The following KCNIP4 variants were observed in gnomAD, a reference collection of about 807,000 sequenced individuals.
KCNIP4 encodes the protein Kv channel-interacting protein 4.
Under a neutral mutation model 34.0 loss-of-function variants are expected in KCNIP4, and 12 were observed. The observed-to-expected ratio is 0.35, with a 90% CI of 0.23 to 0.57. KCNIP4 has a LOEUF of 0.57. KCNIP4 is among the 20% of genes least tolerant of loss of function. The probability of loss-of-function intolerance (pLI) is 0.83; values close to 1 mark genes in which losing one functional copy is unlikely to be tolerated. For missense variants in KCNIP4, 238 were observed against 311.7 expected (o/e 0.76, Z 1.78); for synonymous variants, 124 against 102.2 (o/e 1.21, Z -1.29).
intron 1 of KCNIP4, among the ~76,000 whole-genome samples, chr4:20,968,763 G>A (rs549119132): frequency 5.3e-4 from 77 of 146,542 alleles, no homozygotes; most frequent in Non-Finnish European, 8.1e-4. Flanking sequence ...AACATCACAC[G>A]CTGGGGCCTG....
intron 1 of KCNIP4, among the ~76,000 whole-genome samples, chr4:20,911,397 CAGAA>C (rs772293293): frequency 2.6e-5 from 4 of 152,092 alleles, no homozygotes; most frequent in Admixed American, 6.6e-5. Flanking sequence ...TTTTATATAA[CAGAA>C]GGAACCCTAA....
chr4:20,785,749 A>G (rs957189771), intron 3 of KCNIP4, among the ~76,000 whole-genome samples: 1 of 152,166 alleles, frequency 6.6e-6, no homozygotes, highest in Non-Finnish European at 1.5e-5. Context: ...CTGGTTAACC[A>G]TATACAAAAA....
chr4:21,869,875 T>C (rs944077128), intron 1 of KCNIP4, among the ~76,000 whole-genome samples: 3 of 152,158 alleles, frequency 2.0e-5, no homozygotes, highest in African/African-American at 7.2e-5. Context: ...ACAAGCCTGA[T>C]GCCTGGCTTA....
intron 2 of KCNIP4, among the ~76,000 whole-genome samples, chr4:20,880,387 C>T (rs888420350): frequency 3.3e-5 from 5 of 152,266 alleles, no homozygotes; most frequent in African/African-American, 9.6e-5. Flanking sequence ...CCACAAATCA[C>T]GAGCTAAGTC....
chr4:20,759,565 A>G (rs1327808479), intron 3 of KCNIP4, among the ~76,000 whole-genome samples: 1 of 152,028 alleles, frequency 6.6e-6, no homozygotes, highest in African/African-American at 2.4e-5. Context: ...TGGGAACTAC[A>G]CCCATGTTGG....
chr4:21,908,077 A>G (rs1236724421), intron 1 of KCNIP4, among the ~76,000 whole-genome samples: 1 of 152,126 alleles, frequency 6.6e-6, no homozygotes, highest in Non-Finnish European at 1.5e-5. Context: ...TCTGCCTGTA[A>G]TAAAAAATAA....
At chr4:21,561,668 A>T (rs528149423) in intron 1 of KCNIP4, among the ~76,000 whole-genome samples, 56 of 152,026 alleles carry the variant, frequency 3.7e-4, no homozygotes, top group African/African-American at 1.3e-3. Flanking sequence ...CAAAAAAGTT[A>T]AAAAAAGCTG....
In KCNIP4 at chr4:21,549,326, T is replaced by C. The variant is rs183194393; in HGVS notation, c.61+399245A>G. 3.4e-3 allele frequency among the ~76,000 whole-genome samples: 521 copies of C among 152,030 alleles called. 10 individuals carry two copies. Among genetic ancestry groups the C allele is most frequent in the African/African-American group, 0.012 (491 of 41,496 alleles). On this transcript the variant is annotated intron_variant, in intron 1 of 8. Transcript: ENST00000382152. The stretch of plus-strand genomic sequence containing the variant: ...TCTCATGTTGAAATGTGATCCCCCA[T>C]GGTGAATGTGGGGCCTGGTGGGAGG...
chr4:21,396,562 A>AAAAAAAAAAAAAAAAAAAAAAAC (rs1452202766), intron 1 of KCNIP4, among the ~76,000 whole-genome samples: 1 of 150,806 alleles, frequency 6.6e-6, no homozygotes. Context: ...AAAAAAAAAA[A>AAAAAAAAAAAAAAAAAAAAAAAC]AAAAAAGAGG....
chr4:21,805,868 T>C (rs1721261011), intron 1 of KCNIP4, among the ~76,000 whole-genome samples: 1 of 152,202 alleles, frequency 6.6e-6, no homozygotes, highest in Non-Finnish European at 1.5e-5. Context: ...TGGCAGGGCA[T>C]GATACAGGTG....
At chr4:21,050,326 G>A (rs1322682947) in intron 1 of KCNIP4, among the ~76,000 whole-genome samples, 1 of 152,052 alleles carries the variant, frequency 6.6e-6, no homozygotes, top group Non-Finnish European at 1.5e-5. Context: ...ACTGTAGTTT[G>A]ACTCTAATTA....
At chr4:20,987,997 T>C in intron 1 of KCNIP4, among the ~76,000 whole-genome samples, 1 of 36,920 alleles carries the variant, frequency 2.7e-5, no homozygotes. Flanking sequence ...CGAGATTCCA[T>C]CTCAAAAAAA....
At chr4:21,938,085 C>G (rs1729970833) in intron 1 of KCNIP4, among the ~76,000 whole-genome samples, 1 of 152,122 alleles carries the variant, frequency 6.6e-6, no homozygotes, top group African/African-American at 2.4e-5. Context: ...GTACCATGTT[C>G]TCTTGGTCCA....
chr4:20,762,686 A>G (rs945463057), intron 3 of KCNIP4, among the ~76,000 whole-genome samples: 15 of 152,230 alleles, frequency 9.9e-5, no homozygotes, highest in African/African-American at 3.1e-4. Context: ...CTGCTGTAAA[A>G]TTAGGCCTTC....
rs10564487 is a variant in KCNIP4 at position 21,779,930 on chromosome 4, C to CA, written c.61+168640dup. 4.3e-3 allele frequency among the ~76,000 whole-genome samples: 600 copies of CA among 138,358 alleles called. 3 individuals are homozygous for CA. The highest frequency in any genetic ancestry group is 0.013 in the African/African-American group (476 of 36,772). The allele number at this position is 138,358 out of a possible 152,430, so 90.8% of individuals were successfully genotyped here. A position where few individuals can be genotyped will look rare whatever the true frequency, so the allele number is the denominator to read the frequency against. On this transcript the variant is annotated intron_variant, in intron 1 of 8. Coordinates refer to ENST00000382152, the MANE Select transcript of KCNIP4 (RefSeq NM_025221.6). ...TAAGCAATAGAGTAAGATCCTGTCT[C>CA]AAAAAAAAAAAAAAAGGAAGAATAT...
chr4:21,815,298 A>G (rs571947285), intron 1 of KCNIP4, among the ~76,000 whole-genome samples: 61 of 152,284 alleles, frequency 4.0e-4, no homozygotes, highest in African/African-American at 1.4e-3. Flanking sequence ...TAAAATGAAG[A>G]TGATAATGTA....
At chr4:21,479,921 T>C (rs182846120) in intron 1 of KCNIP4, among the ~76,000 whole-genome samples, 1 of 151,734 alleles carries the variant, frequency 6.6e-6, no homozygotes, top group African/African-American at 2.4e-5. Flanking sequence ...GAAGTGAGAA[T>C]ATTAGGAATG....
intron 1 of KCNIP4, among the ~76,000 whole-genome samples, chr4:21,301,085 G>A (rs1711612653): frequency 6.6e-6 from 1 of 152,106 alleles, no homozygotes; most frequent in Admixed American, 6.5e-5. Context: ...TCTCTGTGTA[G>A]TATTATGTAT....
chr4:21,477,973 C>T (rs1731125502), intron 1 of KCNIP4, among the ~76,000 whole-genome samples: 1 of 152,104 alleles, frequency 6.6e-6, no homozygotes, highest in African/African-American at 2.4e-5. Flanking sequence ...AACCCATGAA[C>T]AAAAATCTAT....
Sources: gnomAD v4.1 joint callset for allele counts (sites outside exome capture counted in the v4.1 genomes callset) on GRCh38, gnomAD v4.1.1 for gene constraint, MANE v1.5 for transcripts, NCBI Gene and HGNC (gene_info 2026-07-23, HGNC 2026-07-21) for gene names.